Variants in TJP2 observed in about 807,000 individuals in gnomAD.
TJP2 encodes tight junction protein 2.
In TJP2, 91 loss-of-function variants were observed where a neutral mutation model predicts 133.1. The observed-to-expected ratio is 0.68, with a 90% CI of 0.58 to 0.81. The LOEUF is 0.81. TJP2 is among the 40% of genes least tolerant of loss of function. TJP2 has a pLI of 0.00. For missense variants in TJP2, 1,541 were observed against 1,565.6 expected (o/e 0.98, Z 0.26); for synonymous variants, 592 against 583.4 (o/e 1.01, Z -0.21).
chr9:69,212,693 C>CT (rs1205123941), intron 2 of TJP2, 92 bp downstream of exon 2: 264 of 1,038,302 alleles, frequency 2.5e-4, no homozygotes, highest in Non-Finnish European at 3.3e-4. Context: ...ACAGTTTTGG[C>CT]TTTTTTTTTC....
chr9:69,174,257 C>T (rs1034729632), upstream of TJP2: 3 of 1,524,444 alleles, frequency 2.0e-6, no homozygotes, highest in Non-Finnish European at 1.8e-6. Context: ...GTCGGCACCC[C>T]GGCGGTTGGG....
At chr9:69,201,672 G>A (rs956923072) in intron 1 of TJP2, among the ~76,000 whole-genome samples, 12 of 151,280 alleles carry the variant, frequency 7.9e-5, no homozygotes, top group African/African-American at 1.5e-4. Context: ...TCATGGCAGC[G>A]TTTTTCACTA....
intron 1 of TJP2, among the ~76,000 whole-genome samples, chr9:69,203,149 C>T (rs999066897): frequency 6.6e-6 from 1 of 151,858 alleles, no homozygotes; most frequent in Non-Finnish European, 1.5e-5. Flanking sequence ...CCCCGAGTTG[C>T]CTGGGTTCTC....
chr9:69,199,790 G>A (rs1000318772), intron 1 of TJP2, among the ~76,000 whole-genome samples: 6 of 152,030 alleles, frequency 3.9e-5, no homozygotes, highest in Admixed American at 1.3e-4. Context: ...TGGAAAGCAC[G>A]CATGACATTG....
intron 1 of TJP2, among the ~76,000 whole-genome samples, chr9:69,147,020 A>C (rs1823241824): frequency 6.6e-6 from 1 of 152,164 alleles, no homozygotes; most frequent in African/African-American, 2.4e-5. Flanking sequence ...TTGTTATTCT[A>C]CTGTTATTGT....
At chr9:69,136,991 A>T (rs1822760238) in intron 1 of TJP2, among the ~76,000 whole-genome samples, 1 of 152,150 alleles carries the variant, frequency 6.6e-6, no homozygotes, top group South Asian at 2.1e-4. Context: ...ATGCTAGAGG[A>T]TCCACTTCCA....
chr9:69,141,297 G>A (rs889018711), intron 1 of TJP2, among the ~76,000 whole-genome samples: 4 of 152,162 alleles, frequency 2.6e-5, no homozygotes, highest in Non-Finnish European at 5.9e-5. Flanking sequence ...AATCTAGGAC[G>A]TATCACAACC....
chr9:69,216,234 C>A, intron 2 of TJP2, 105 bp from the exon 3 acceptor site: 1 of 1,365,994 alleles, frequency 7.3e-7, no homozygotes, highest in Non-Finnish European at 1.0e-6. Context: ...TGTTCCTGAA[C>A]AGTCTCTGGT....
chr9:69,136,121 CT>C (rs1167189677), intron 1 of TJP2, among the ~76,000 whole-genome samples: 1 of 152,080 alleles, frequency 6.6e-6, no homozygotes, highest in Non-Finnish European at 1.5e-5. Flanking sequence ...CACCAAGAAA[CT>C]TTTATCTTTG....
intron 1 of TJP2, among the ~76,000 whole-genome samples, chr9:69,148,812 G>A (rs1163118280): frequency 6.6e-6 from 1 of 152,148 alleles, no homozygotes; most frequent in Non-Finnish European, 1.5e-5. Context: ...ACAGAGATTG[G>A]ATGATTTACA....
chr9:69,206,884 C>T (rs1485371989), intron 1 of TJP2, among the ~76,000 whole-genome samples: 1 of 152,120 alleles, frequency 6.6e-6, no homozygotes, highest in Admixed American at 6.6e-5. Context: ...GCCTCATCTC[C>T]CTATTTTTTA....
chr9:69,133,527 T>C (rs549010362), intron 1 of TJP2, among the ~76,000 whole-genome samples: 35 of 147,430 alleles, frequency 2.4e-4, no homozygotes, highest in African/African-American at 7.9e-4. Flanking sequence ...AAGAATGCTT[T>C]CCTGTTTCAT....
chr9:69,252,774 CAT>C, intron 21 of TJP2, 39 bp from the exon 22 acceptor site: 1 of 1,594,360 alleles, frequency 6.3e-7, no homozygotes, highest in Non-Finnish European at 8.6e-7. Context: ...CCCAGTGGTT[CAT>C]TCTTTCACTC....
At chr9:69,206,872 C>T (rs1007252041) in intron 1 of TJP2, among the ~76,000 whole-genome samples, 35 of 152,312 alleles carry the variant, frequency 2.3e-4, no homozygotes, top group South Asian at 2.1e-4. Flanking sequence ...CCATCGCGCC[C>T]GGCCTCATCT....
intron 4 of TJP2, chr9:69,218,599 A>C (rs1226846159): frequency 5.7e-6 from 3 of 525,376 alleles, no homozygotes; most frequent in African/African-American, 3.8e-5. Context: ...TTAGGAACCA[A>C]GTTAGGCAAT....
At chr9:69,245,277 T>C (rs56068319) in intron 17 of TJP2, among the ~76,000 whole-genome samples, 2,533 of 152,334 alleles carry the variant, frequency 0.017, 30 homozygotes, top group Non-Finnish European at 0.024. Flanking sequence ...AAGAAAGCTA[T>C]GTTACTTGGA....
Position 69,252,849 on chromosome 9 carries a change from C to T in TJP2, c.3356C>T (p.Ala1119Val). Residue 1119 changes from alanine (A) to valine (V), a missense_variant, in exon 22 of 23, where the codon GCA becomes GTA. Transcript: ENST00000377245. ...EIAQKHPDIY[A>V]VPIKTHKPDP... ...GCCCAGAAGCATCCTGATATCTATG[C>T]AGTTCCAATCAAAACGCACAAGCCA... 1 of 1,614,140 alleles carries T rather than the reference C, an allele frequency of 6.2e-7. No homozygotes were observed. Among genetic ancestry groups the T allele is most frequent in the Non-Finnish European group, 8.5e-7 (1 of 1,180,032 alleles).
At chr9:69,208,410 T>G (rs1235896041) in intron 1 of TJP2, among the ~76,000 whole-genome samples, 4 of 152,204 alleles carry the variant, frequency 2.6e-5, no homozygotes, top group Admixed American at 2.6e-4. Context: ...GGTAGGAGAT[T>G]AATCGTCTCT....
At chr9:69,136,023 G>A (rs1224021363) in intron 1 of TJP2, among the ~76,000 whole-genome samples, 1 of 152,104 alleles carries the variant, frequency 6.6e-6, no homozygotes, top group African/African-American at 2.4e-5. Flanking sequence ...AGAGATAGAA[G>A]GATGACTATG....
Sources: allele counts gnomAD v4.1 joint callset (sites outside exome capture counted in the v4.1 genomes callset), GRCh38; gene constraint gnomAD v4.1.1; transcripts MANE v1.5; gene names NCBI Gene and HGNC (gene_info 2026-07-23, HGNC 2026-07-21).